ASIC4: variants seen among roughly 807,000 people sequenced by gnomAD.
The protein encoded by ASIC4 is acid-sensing ion channel 4.
In ASIC4, 28 loss-of-function variants were observed where a neutral mutation model predicts 53.4. The ratio of observed to expected loss-of-function variants is 0.52; its 90% confidence interval spans 0.39 to 0.72. The LOEUF (loss-of-function observed/expected upper bound fraction) is 0.72, where lower values mean the gene tolerates loss of function less well. Among genes scored for constraint, ASIC4 ranks in the 30% least tolerant of loss-of-function variants. ASIC4 has a pLI of 0.00. For missense variants in ASIC4, 649 were observed against 729.7 expected (o/e 0.89, Z 1.27); for synonymous variants, 289 against 301.4 (o/e 0.96, Z 0.43).
Position 219,532,437 on chromosome 2 carries a change from C to G in ASIC4, c.978C>G (p.Ala326=), listed in dbSNP as rs745623068. The change falls in exon 4 of 10, where the codon GCC becomes GCG. Residue 326 remains alanine, a synonymous_variant. Transcript: ENST00000358078. ...GCCGGCTGCGCTGTGAAAAGGAGGCCGTGCTTCAGCGCTGCCACTGCCGGA... is the reference window on the plus strand; with the variant it reads ...GCCGGCTGCGCTGTGAAAAGGAGGCGGTGCTTCAGCGCTGCCACTGCCGGA... ...SACRLRCEKE[A]VLQRCHCRMV... is the part of the protein sequence containing the mutation. 7 of 1,613,662 alleles carry G rather than the reference C, an allele frequency of 4.3e-6. No individual in the cohort carries two copies. The South Asian group carries it at 6.6e-5, about 15-fold the overall frequency.
chr2:219,533,313 C>T, intron 5 of ASIC4: 1 of 359,388 alleles, frequency 2.8e-6, no homozygotes, highest in Non-Finnish European at 5.3e-6. Context: ...CCCATCTGTC[C>T]ACAGATCTTG....
Position 219,531,831 on chromosome 2 carries a change from G to A in ASIC4, c.656G>A (p.Gly219Asp), listed in dbSNP as rs1040613522. 8 of 1,613,814 alleles carry A rather than the reference G, an allele frequency of 5.0e-6. No individual in the cohort carries two copies. Among genetic ancestry groups the A allele is most frequent in the Non-Finnish European group, 6.8e-6 (8 of 1,179,834 alleles). The change falls in exon 2 of 10, where the codon GGC becomes GAC. Residue 219 changes from glycine to aspartate, a missense_variant. Transcript: ENST00000358078. ...AGCTCGCTGCCCAGCCGGGCAGGGG[G>A]CATGGGCAGTGGCCTGGAGATCATG... Reference protein sequence around the residue: ...PRSSLPSRAGGMGSGLEIMLD... With the variant: ...PRSSLPSRAGDMGSGLEIMLD...
intron 3 of ASIC4, 51 bp from the exon 4 acceptor site, chr2:219,532,264 A>T (rs1641487723): frequency 6.3e-7 from 1 of 1,598,198 alleles, no homozygotes. Flanking sequence ...TGGGCACTGG[A>T]GGACTGGGTG....
intron 1 of ASIC4, 62 bp from the exon 2 acceptor site, chr2:219,531,696 C>A (rs1303984963): frequency 2.6e-6 from 4 of 1,522,932 alleles, no homozygotes; most frequent in African/African-American, 1.4e-5. Context: ...GAGCAGGGAA[C>A]TTCGGAGTTG....
Position 219,531,848 on chromosome 2 carries a change from G to A in ASIC4, c.673G>A (p.Glu225Lys). The A allele has an allele frequency of 6.2e-7, 1 of 1,613,822 alleles. No individual in the cohort carries two copies. Among genetic ancestry groups the A allele is most frequent in the Non-Finnish European group, 8.5e-7 (1 of 1,179,858 alleles). Residue 225 changes from glutamate to lysine, a missense_variant, in exon 2 of 10, where the codon GAG (glutamate) becomes AAG (lysine). Physicochemically the swap from Glu to Lys is moderately conservative, Grantham distance 56. Coordinates refer to ENST00000358078, the MANE Select transcript of ASIC4 (RefSeq NM_018674.6). ...GGCAGGGGGCATGGGCAGTGGCCTG[G>A]AGATCATGCTGGACATCCAGCAGGA... Reference protein sequence around the residue: ...SRAGGMGSGLEIMLDIQQEEY... With the variant: ...SRAGGMGSGLKIMLDIQQEEY...
Position 219,532,297 on chromosome 2 carries a change from C to G in ASIC4, c.856-18C>G. 6.2e-7 allele frequency: 1 copy of G among 1,604,330 alleles called. No homozygotes were observed. The highest frequency in any genetic ancestry group is 2.2e-5 in the East Asian group (1 of 44,546). ...GTGGGATTCCTGAGCATGACCTCAT[C>G]ATGCCCCACCTCTGCAGCTGACCTA... On this transcript the variant is annotated intron_variant, in intron 3 of 9. Transcript: ENST00000358078.
intron 1 of ASIC4, among the ~76,000 whole-genome samples, chr2:219,523,935 C>A (rs570404997): frequency 6.6e-6 from 1 of 152,084 alleles, no homozygotes; most frequent in Non-Finnish European, 1.5e-5. Flanking sequence ...GAGATCCTCC[C>A]ACCTCAGCCT....
At chr2:219,529,632 G>A (rs1279963109) in intron 1 of ASIC4, among the ~76,000 whole-genome samples, 1 of 152,130 alleles carries the variant, frequency 6.6e-6, no homozygotes, top group Non-Finnish European at 1.5e-5. Context: ...GCCCCTCGAT[G>A]AGGTGCACCT....
Position 219,537,243 on chromosome 2 carries a change from A to G in ASIC4, c.1323A>G (p.Gly441=). 1.2e-6 allele frequency: 2 copies of G among 1,613,526 alleles called. No homozygotes were observed. The highest frequency in any genetic ancestry group is 1.7e-6 in the Non-Finnish European group (2 of 1,179,644). ...RAAYGLSALL[G]DLGGQMGLFI... is the part of the protein sequence containing the mutation. ...TGACACTGCTCTCCTGCTTCCCAGG[A>G]GACCTCGGGGGACAGATGGGCCTGT... Residue 441 remains glycine, a splice_region_variant and synonymous_variant, in exon 8 of 10, where the codon GGA becomes GGG. Transcript: ENST00000358078. This position sits in a 1 kb window ranked among gnomAD's most constrained non-coding sequence, Gnocchi z 4.9.
Position 219,517,000 on chromosome 2 carries a change from T to G in ASIC4, c.582+1694T>G, listed in dbSNP as rs1694804467. On this transcript the variant is annotated intron_variant, in intron 1 of 9. Transcript: ENST00000358078. The surrounding 1 kb of genome is among the most constrained non-coding windows in gnomAD (Gnocchi z 4.9). ...ATCCATAGGGCTCTGCTGTCCTCAA[T>G]CCTCACCACTCCGTATTGGGAGCTG... The G allele has an allele frequency of 6.6e-6, 1 of 152,198 alleles. No individual in the cohort carries two copies. The highest frequency in any genetic ancestry group is 1.9e-4 in the East Asian group (1 of 5,190). 9.4% of individuals were successfully genotyped at this position (152,198 alleles called of 1,614,324 possible). A position where few individuals can be genotyped will look rare whatever the true frequency, so the allele number is the denominator to read the frequency against.
chr2:219,521,131 T>C (rs1694877423), intron 1 of ASIC4, among the ~76,000 whole-genome samples: 1 of 151,784 alleles, frequency 6.6e-6, no homozygotes, highest in Non-Finnish European at 1.5e-5. Context: ...GTGGAGTGGG[T>C]GGAGGGGATG....
At chr2:219,521,757 T>G (rs1694888713) in intron 1 of ASIC4, among the ~76,000 whole-genome samples, 1 of 151,798 alleles carries the variant, frequency 6.6e-6, no homozygotes, top group Non-Finnish European at 1.5e-5. Flanking sequence ...GAGTTATAAG[T>G]ATTCCTTGCC....
rs909873667 is a variant in ASIC4, at chr2:219,536,944, G to T, written c.1230-122G>T. On this transcript the variant is annotated intron_variant, in intron 6 of 9. Coordinates refer to ENST00000358078, the MANE Select transcript of ASIC4 (RefSeq NM_018674.6). The surrounding 1 kb of genome is among the most constrained non-coding windows in gnomAD (Gnocchi z 4.6). ...CCCCTCACAGCCTTGGGGAGTCCGG[G>T]GGGTAGTCACTGACTTCCCCATGTA... The T allele has an allele frequency of 1.9e-5, 15 of 806,532 alleles. No homozygotes were observed. The highest frequency in any genetic ancestry group is 2.8e-5 in the Non-Finnish European group (14 of 496,306). The allele number at this position is 806,532 out of a possible 1,614,324, so 50.0% of individuals were successfully genotyped here. A position where few individuals can be genotyped will look rare whatever the true frequency, so the allele number is the denominator to read the frequency against.
At chr2:219,510,453 G>A (rs766502849), upstream of ASIC4, among the ~76,000 whole-genome samples, 4 of 152,182 alleles carry the variant, frequency 2.6e-5, no homozygotes, top group Non-Finnish European at 5.9e-5. This position sits in a 1 kb window ranked among gnomAD's most constrained non-coding sequence, Gnocchi z 5.2. Context: ...TCAGCTCCGA[G>A]GTTGTCGGCT....
At chr2:219,523,208 C>G (rs549362620) in intron 1 of ASIC4, among the ~76,000 whole-genome samples, 3 of 152,354 alleles carry the variant, frequency 2.0e-5, no homozygotes, top group Non-Finnish European at 4.4e-5. Flanking sequence ...GAAGGACTTA[C>G]TTACCAATTC....
chr2:219,521,123 G>A (rs1694877277), intron 1 of ASIC4, among the ~76,000 whole-genome samples: 1 of 152,218 alleles, frequency 6.6e-6, no homozygotes, highest in South Asian at 2.1e-4. Flanking sequence ...CTTGGGCAGT[G>A]GAGTGGGTGG....
upstream of ASIC4, among the ~76,000 whole-genome samples, chr2:219,509,522 C>T (rs948170169): frequency 1.3e-5 from 2 of 152,138 alleles, no homozygotes; most frequent in Non-Finnish European, 2.9e-5. This position sits in a 1 kb window ranked among gnomAD's most constrained non-coding sequence, Gnocchi z 5.2. Flanking sequence ...GCTCCCCTTC[C>T]CCAGCCCCTC....
chr2:219,514,630 CG>C lies in ASIC4; in HGVS notation c.-94del, dbSNP rs1694751595. 1.9e-6 allele frequency: 3 copies of C among 1,610,816 alleles called. No individual in the cohort carries two copies. The East Asian group carries it at 6.7e-5, about 36-fold the overall frequency. ...CTTGCCCTGAGTTTAGAAGAGCAGC[CG>C]CTGCCACCACTGCCACTCGGGAGGG... On this transcript the variant is annotated 5_prime_UTR_variant, in exon 1 of 10. Coordinates refer to ENST00000358078, the MANE Select transcript of ASIC4 (RefSeq NM_018674.6).
rs1695118544 is a variant in ASIC4 at position 219,535,416 on chromosome 2, TGA to T, written c.1229+94_1229+95del. 12 of 1,365,598 alleles carry T rather than the reference TGA, an allele frequency of 8.8e-6. No homozygotes were observed. The South Asian group carries it at 1.6e-4, about 18-fold the overall frequency. The allele number at this position is 1,365,598 out of a possible 1,614,324, so 84.6% of individuals were successfully genotyped here. A position where few individuals can be genotyped will look rare whatever the true frequency, so the allele number is the denominator to read the frequency against. ...GTGTGACTCTGTGTGTACGTGTGTG[TGA>T]GTGTATGTGTGTATGTGTTTGTGTG... is the stretch of plus-strand genomic sequence containing the variant. On this transcript the variant is annotated intron_variant, in intron 6 of 9. Transcript: ENST00000358078.
Sources: gnomAD v4.1 joint callset for allele counts (sites outside exome capture counted in the v4.1 genomes callset) on GRCh38, gnomAD v4.1.1 for gene constraint, Gnocchi (gnomAD v3.1) non-coding constraint, MANE v1.5 for transcripts, NCBI Gene and HGNC (gene_info 2026-07-23, HGNC 2026-07-21) for gene names.